BMPR1A: variants seen among roughly 807,000 people sequenced by gnomAD.
BMPR1A encodes the protein bone morphogenetic protein receptor type 1A, also known as bone morphogenetic protein receptor type-1A.
Under a neutral mutation model 66.0 loss-of-function variants are expected in BMPR1A, and 7 were observed. That is an observed-to-expected ratio of 0.11 (90% confidence interval 0.06 to 0.20). The LOEUF is 0.20. BMPR1A is among the 10% of genes least tolerant of loss of function. BMPR1A has a pLI of 1.00. For synonymous variants in BMPR1A, 200 were observed against 229.7 expected, an observed-to-expected ratio of 0.87 and a Z score of 1.17; for missense variants, 408 against 669.1, an observed-to-expected ratio of 0.61 and a Z score of 4.31.
At chr10:86,811,519 G>T (rs917789945) in intron 1 of BMPR1A, among the ~76,000 whole-genome samples, 1 of 152,030 alleles carries the variant, frequency 6.6e-6, no homozygotes, top group African/African-American at 2.4e-5. Flanking sequence ...GTTTCCTATG[G>T]TCTGGATTTT....
chr10:86,812,711 C>A (rs1841987903), intron 1 of BMPR1A, among the ~76,000 whole-genome samples: 1 of 152,070 alleles, frequency 6.6e-6, no homozygotes, highest in Non-Finnish European at 1.5e-5. Context: ...GTTCCCATAT[C>A]CCCCCAATCC....
At chr10:86,832,104 GA>G (rs1375954604) in intron 1 of BMPR1A, among the ~76,000 whole-genome samples, 5 of 152,186 alleles carry the variant, frequency 3.3e-5, no homozygotes, top group Admixed American at 6.5e-5. Flanking sequence ...TAAATAGATT[GA>G]AAACAGATTA....
chr10:86,814,800 T>G (rs12268507), intron 1 of BMPR1A, among the ~76,000 whole-genome samples: 14,054 of 152,144 alleles, frequency 0.092, 773 homozygotes, highest in African/African-American at 0.13. Flanking sequence ...TTGTTTGTTT[T>G]TTTGAGACGG....
At chr10:86,782,376 A>G (rs898301438) in intron 1 of BMPR1A, among the ~76,000 whole-genome samples, 7 of 152,168 alleles carry the variant, frequency 4.6e-5, no homozygotes, top group African/African-American at 1.7e-4. Flanking sequence ...ATCATCTGGT[A>G]TTCCATTTTA....
At chr10:86,834,023 C>G (rs941745860) in intron 1 of BMPR1A, among the ~76,000 whole-genome samples, 47 of 152,182 alleles carry the variant, frequency 3.1e-4, no homozygotes, top group African/African-American at 1.0e-3. Flanking sequence ...CACATTCAAA[C>G]CCAGAATTGC....
chr10:86,821,700 C>T (rs1194798942), intron 1 of BMPR1A, among the ~76,000 whole-genome samples: 1 of 152,142 alleles, frequency 6.6e-6, no homozygotes, highest in Non-Finnish European at 1.5e-5. Context: ...ATGTTGTTAC[C>T]TCTCTCTTGC....
chr10:86,846,151 G>A (rs1842482930), intron 2 of BMPR1A, among the ~76,000 whole-genome samples: 2 of 152,168 alleles, frequency 1.3e-5, no homozygotes, highest in South Asian at 2.1e-4. Context: ...GCTGGCAGTA[G>A]GGTGTTCTCT....
chr10:86,930,993 C>G (rs971257049), downstream of BMPR1A: 1 of 151,896 alleles, frequency 6.6e-6, no homozygotes, highest in Non-Finnish European at 1.5e-5. Context: ...GCTAATGCCT[C>G]TAATCCCAGC....
intron 10 of BMPR1A, 108 bp from the exon 11 acceptor site, chr10:86,921,412 A>G: frequency 1.4e-6 from 2 of 1,418,334 alleles, no homozygotes; most frequent in Non-Finnish European, 2.0e-6. Context: ...TCCACAATGC[A>G]TCTGGCCCCA....
intron 11 of BMPR1A, 84 bp from the exon 12 acceptor site, chr10:86,923,292 A>G: frequency 1.9e-6 from 3 of 1,574,064 alleles, no homozygotes; most frequent in African/African-American, 2.7e-5. Context: ...TTTTAGTTCC[A>G]TAGTTTAGCA....
In BMPR1A at chr10:86,797,731, T is replaced by C. The variant is rs532934846; in HGVS notation, c.-268+40812T>C. Among the ~76,000 whole-genome samples the C allele has an allele frequency of 2.0e-5, 3 of 152,262 alleles. No homozygotes were observed. The East Asian group carries it at 5.8e-4, about 29-fold the overall frequency. On this transcript the variant is annotated intron_variant, in intron 1 of 12. Coordinates refer to ENST00000372037, the MANE Select transcript of BMPR1A (RefSeq NM_004329.3). ...CAGGTACCATCGAGGGCTTTTCTTC[T>C]GTACTTCTGTGTGTTCAAATATGGA...
intron 1 of BMPR1A, among the ~76,000 whole-genome samples, chr10:86,758,482 C>T (rs866811557): frequency 2.7e-5 from 4 of 149,564 alleles, no homozygotes; most frequent in East Asian, 2.0e-4. Flanking sequence ...TATTTGGGTT[C>T]TTTAAAGTAC....
chr10:86,821,661 C>G (rs180733789), intron 1 of BMPR1A, among the ~76,000 whole-genome samples: 58 of 152,228 alleles, frequency 3.8e-4, no homozygotes, highest in Non-Finnish European at 4.1e-4. Flanking sequence ...TGTGCTGCTC[C>G]CTTGCTAAAA....
At chr10:86,849,705 T>C (rs1842540045) in intron 2 of BMPR1A, among the ~76,000 whole-genome samples, 1 of 152,224 alleles carries the variant, frequency 6.6e-6, no homozygotes, top group Admixed American at 6.5e-5. Context: ...TTGAGTAACA[T>C]AGAGACTTTC....
chr10:86,912,240 A>G lies in BMPR1A; in HGVS notation c.531A>G (p.Lys177=). The G allele has an allele frequency of 1.9e-6, 3 of 1,613,104 alleles. No individual in the cohort carries two copies. Among genetic ancestry groups the G allele is most frequent in the Non-Finnish European group, 2.5e-6 (3 of 1,179,824 alleles). The change falls in exon 8 of 13, where the codon AAA becomes AAG. Residue 177 remains lysine, a splice_region_variant and synonymous_variant. Transcript: ENST00000372037. ...AGATTGTTTTCTGCTTTTTTAAAAG[A>G]CATTATTGCAAGAGCATCTCAAGCA... ...MIIFSSCFCY[K]HYCKSISSRR...
rs1223842250 is a variant in BMPR1A at position 86,916,533 on chromosome 10, T to G, written c.676-601T>G. Among the ~76,000 whole-genome samples, 3 of 152,208 alleles carry G rather than the reference T, an allele frequency of 2.0e-5. No homozygotes were observed. The East Asian group carries it at 5.8e-4, about 29-fold the overall frequency. On this transcript the variant is annotated intron_variant, in intron 8 of 12. Transcript: ENST00000372037. ...CATCACGTTCGCTGTTGTTCTTTTA[T>G]CCAAAGCAAGTCATGTGGCCTAAGC...
intron 1 of BMPR1A, among the ~76,000 whole-genome samples, chr10:86,794,538 A>C (rs1589719426): frequency 1.3e-5 from 2 of 152,316 alleles, no homozygotes; most frequent in East Asian, 3.9e-4. Context: ...TTAAGTCATC[A>C]AGTTAGAGTG....
downstream of BMPR1A, chr10:86,932,827 CAGT>C (rs1843823878): frequency 1.3e-5 from 2 of 152,334 alleles, no homozygotes; most frequent in South Asian, 4.1e-4. Context: ...TAAAATCTAA[CAGT>C]AGGAGTGACT....
intron 1 of BMPR1A, among the ~76,000 whole-genome samples, chr10:86,804,936 T>C (rs1436156706): frequency 2.6e-5 from 4 of 151,978 alleles, no homozygotes; most frequent in African/African-American, 9.7e-5. Context: ...CGCAGAGCCA[T>C]GCTCCCTTTA....
Sources: gnomAD v4.1 joint callset for allele counts (sites outside exome capture counted in the v4.1 genomes callset) on GRCh38, gnomAD v4.1.1 for gene constraint, MANE v1.5 for transcripts, NCBI Gene and HGNC (gene_info 2026-07-23, HGNC 2026-07-21) for gene names.